PUS3: variants seen among roughly 807,000 people sequenced by gnomAD.
PUS3 encodes the protein pseudouridine synthase 3.
In PUS3, 36 loss-of-function variants were observed where a neutral mutation model predicts 43.3. The ratio of observed to expected loss-of-function variants is 0.83; its 90% CI spans 0.64 to 1.10. PUS3 has a LOEUF of 1.10. PUS3 is among the 50% of genes least tolerant of loss of function. PUS3 has a pLI of 0.00. For missense variants in PUS3, 544 were observed against 589.9 expected (o/e 0.92, Z 0.81); for synonymous variants, 183 against 199.2 (o/e 0.92, Z 0.69).
chr11:125,896,389 A>G lies in PUS3; in HGVS notation c.-46-59T>C, dbSNP rs993148816. On this transcript the variant is annotated intron_variant, in intron 1 of 3. Coordinates refer to ENST00000227474, the MANE Select transcript of PUS3 (RefSeq NM_031307.4). Reference sequence around the variant, plus strand: ...ATGCTAGTTCCTTTGATGATGTTCTAATGGTATATAAGATTTAATTTAATG... The same window carrying G: ...ATGCTAGTTCCTTTGATGATGTTCTGATGGTATATAAGATTTAATTTAATG... 26 of 1,124,758 alleles carry G rather than the reference A, an allele frequency of 2.3e-5. No homozygotes were observed. In the East Asian group the frequency reaches 4.5e-4, roughly 19 times the overall value. The allele number at this position is 1,124,758 out of a possible 1,614,324, so 69.7% of individuals were successfully genotyped here.
chr11:125,893,844 T>C lies in PUS3; in HGVS notation c.1387A>G (p.Asn463Asp). 2.5e-6 allele frequency: 4 copies of C among 1,614,068 alleles called. No homozygotes were observed. The highest frequency in any genetic ancestry group is 3.4e-6 in the Non-Finnish European group (4 of 1,179,964). Reference sequence around the variant, plus strand: ...ACCCTCTTCGTTGGTGTCTCCAAATTAGTATTCTCTTCCTCTAGTGTGTCA... The same window carrying C: ...ACCCTCTTCGTTGGTGTCTCCAAATCAGTATTCTCTTCCTCTAGTGTGTCA... ...CNDTLEEENT[N>D]LETPTKRVCV... Residue 463 changes from asparagine (N) to aspartate (D), a missense_variant, in exon 4 of 4, where the codon AAT (asparagine) becomes GAT (aspartate). Transcript: ENST00000227474.
intron 1 of PUS3, chr11:125,899,796 A>G (rs150443899): frequency 1.8e-5 from 29 of 1,614,234 alleles, no homozygotes; most frequent in Non-Finnish European, 1.9e-5. Flanking sequence ...TTCCAGGAAG[A>G]CAAGGAATCT....
intron 1 of PUS3, chr11:125,899,923 C>G: frequency 6.2e-7 from 1 of 1,614,174 alleles, no homozygotes; most frequent in Non-Finnish European, 8.5e-7. Context: ...ACGAACAAGA[C>G]CTGATTGTTG....
At chr11:125,899,201 T>C in intron 1 of PUS3, 1 of 627,718 alleles carries the variant, frequency 1.6e-6, no homozygotes, top group East Asian at 2.7e-5. Flanking sequence ...CTCTAAACTG[T>C]TCTGATACTA....
chr11:125,894,143 T>TCC lies in PUS3; in HGVS notation c.1087_1088insGG (p.Tyr363TrpfsTer17). ...AGTGTCCAGTCCTTGTAGCATACTA[T>TCC]ACAACATGTGAGTTTTGACAGCATG... On this transcript the variant is annotated frameshift_variant, in exon 4 of 4. Transcript: ENST00000227474. LOFTEE classifies it high-confidence loss of function. 1 of 1,614,182 alleles carries TCC rather than the reference T, an allele frequency of 6.2e-7. No individual in the cohort carries two copies. Among genetic ancestry groups the TCC allele is most frequent in the South Asian group, 1.1e-5 (1 of 91,074 alleles).
In PUS3 at chr11:125,896,049, A is replaced by G; in HGVS notation, c.236T>C (p.Phe79Ser). The G allele has an allele frequency of 6.2e-7, 1 of 1,614,190 alleles. No individual in the cohort carries two copies. The highest frequency in any genetic ancestry group is 8.5e-7 in the Non-Finnish European group (1 of 1,180,030). Residue 79 changes from phenylalanine (F) to serine (S), a missense_variant, in exon 2 of 4, where the codon TTT becomes TCT. Coordinates refer to ENST00000227474, the MANE Select transcript of PUS3 (RefSeq NM_031307.4). ...ATTATTTGTGTTTTCCTGACTAGCA[A>G]AGCCCTGGTATCCCCAGCCCATATA... ...IAYMGWGYQG[F>S]ASQENTNNTI...
chr11:125,903,167 T>C lies in PUS3; in HGVS notation c.-47+3A>G, dbSNP rs534570905. The C allele has an allele frequency of 1.5e-3, 1,482 of 985,408 alleles. 2 individuals are homozygous for C. Among genetic ancestry groups the C allele is most frequent in the Middle Eastern group, 1.6e-3 (3 of 1,914 alleles). The allele number at this position is 985,408 out of a possible 1,614,324, so 61.0% of individuals were successfully genotyped here. A position where few individuals can be genotyped will look rare whatever the true frequency, so the allele number is the denominator to read the frequency against. ...TAACCCACTCCAAAAATCCCACACTTACTTTCCGGCAGCCGGCCGCGCCGC... is the reference window on the plus strand; with the variant it reads ...TAACCCACTCCAAAAATCCCACACTCACTTTCCGGCAGCCGGCCGCGCCGC... On this transcript the variant is annotated splice_donor_region_variant and intron_variant, in intron 1 of 3. Transcript: ENST00000227474.
At position 125,893,962 on chromosome 11, in the gene PUS3, C is replaced by T. The variant is rs778482258; in HGVS notation, c.1269G>A (p.Leu423=). Residue 423 remains leucine, a synonymous_variant, in exon 4 of 4, where the codon CTG becomes CTA. Transcript: ENST00000227474. ...GTACAAAATGCTGGATCCGGGATTC[C>T]AGTCCTTGGCATTTAGGACGGTCCA... ...PLMDRPKCQG[L]ESRIQHFVRR... is the part of the protein sequence containing the mutation. 2.5e-6 allele frequency: 4 copies of T among 1,614,180 alleles called. No individual in the cohort carries two copies. Among genetic ancestry groups the T allele is most frequent in the South Asian group, 2.2e-5 (2 of 91,080 alleles).
At position 125,893,575 on chromosome 11, in the gene PUS3, G is replaced by A. The variant is rs191173560; in HGVS notation, c.*210C>T. 6.2e-4 allele frequency: 280 copies of A among 448,086 alleles called. 1 individual carries two copies. The highest frequency in any genetic ancestry group is 1.2e-3 in the Middle Eastern group (2 of 1,692). The allele number at this position is 448,086 out of a possible 1,614,324, so 27.8% of individuals were successfully genotyped here. On this transcript the variant is annotated 3_prime_UTR_variant, in exon 4 of 4. Transcript: ENST00000227474. ...CATCTCCATTTTACGTTCTTTAATC[G>A]CTTAATCCTTTTGGACCGGGATAAG...
rs771873988 is a variant in PUS3, at chr11:125,895,927, C to G, written c.358G>C (p.Gly120Arg). Residue 120 changes from glycine (G) to arginine (R), a missense_variant, in exon 2 of 4, where the codon GGA becomes CGA. Gly to Arg is a moderately radical substitution (Grantham distance 125). Coordinates refer to ENST00000227474, the MANE Select transcript of PUS3 (RefSeq NM_031307.4). ...NYHRCGRTDKGVSAFGQVISL... is the reference protein window; with the variant it reads ...NYHRCGRTDKRVSAFGQVISL... ...CTTACCTGTCCAAAGGCACTAACTC[C>G]TTTATCTGTTCTCCCACATCGGTGA... 1 of 1,613,268 alleles carries G rather than the reference C, an allele frequency of 6.2e-7. No individual in the cohort carries two copies. Among genetic ancestry groups the G allele is most frequent in the Admixed American group, 1.7e-5 (1 of 60,008 alleles).
At position 125,900,219 on chromosome 11, in the gene PUS3, C is replaced by T. The variant is rs751141495; in HGVS notation, c.-47+2951G>A. On this transcript the variant is annotated intron_variant, in intron 1 of 3. Coordinates refer to ENST00000227474, the MANE Select transcript of PUS3 (RefSeq NM_031307.4). ...CGTTGGGGTGTTCGTTGTGACCTTG[C>T]AAATGGTGTCATACCCAGGAAGCTT... 1.9e-6 allele frequency: 3 copies of T among 1,614,156 alleles called. No homozygotes were observed. In the Admixed American group the frequency reaches 5.0e-5, roughly 27 times the overall value.
chr11:125,893,735 C>CTTTTT lies in PUS3; in HGVS notation c.*49_*50insAAAAA. Reference sequence around the variant, plus strand: ...AGTAAATTTTTTTTTTTTTCCTTTTCTGTCCACCTACCATTAGGTGGTTCC... The same window carrying CTTTTT: ...AGTAAATTTTTTTTTTTTTCCTTTTCTTTTTTGTCCACCTACCATTAGGTGGTTCC... On this transcript the variant is annotated 3_prime_UTR_variant, in exon 4 of 4. Coordinates refer to ENST00000227474, the MANE Select transcript of PUS3 (RefSeq NM_031307.4). The CTTTTT allele has an allele frequency of 9.0e-7, 1 of 1,105,622 alleles. No individual in the cohort carries two copies. The highest frequency in any genetic ancestry group is 1.2e-6 in the Non-Finnish European group (1 of 869,312). The allele number at this position is 1,105,622 out of a possible 1,614,324, so 68.5% of individuals were successfully genotyped here.
At chr11:125,898,527 T>C (rs1944660477) in intron 1 of PUS3, among the ~76,000 whole-genome samples, 2 of 152,018 alleles carry the variant, frequency 1.3e-5, no homozygotes, top group African/African-American at 2.4e-5. Context: ...ATTCAAAAAT[T>C]AGCCAGGCGT....
In PUS3 at chr11:125,900,003, G is replaced by C. The variant is rs775451336; in HGVS notation, c.-47+3167C>G. The C allele has an allele frequency of 3.1e-6, 5 of 1,614,070 alleles. No individual in the cohort carries two copies. In the Admixed American group the frequency reaches 8.3e-5, roughly 27 times the overall value. Reference sequence around the variant, plus strand: ...AGCCGAAACCGGGGCAAGACAGACCGGGTAGCCCGGTATTTTGAGTACAAA... The same window carrying C: ...AGCCGAAACCGGGGCAAGACAGACCCGGTAGCCCGGTATTTTGAGTACAAA... On this transcript the variant is annotated intron_variant, in intron 1 of 3. Coordinates refer to ENST00000227474, the MANE Select transcript of PUS3 (RefSeq NM_031307.4).
rs200257926 is a variant in PUS3 at position 125,899,422 on chromosome 11, A to G, written c.-46-3092T>C. The G allele has an allele frequency of 3.7e-6, 6 of 1,614,234 alleles. No individual in the cohort carries two copies. The East Asian group carries it at 1.3e-4, about 36-fold the overall frequency. On this transcript the variant is annotated intron_variant, in intron 1 of 3. Transcript: ENST00000227474. ...TATGGGCTAATATGGATCCAGAAGA[A>G]CGAATGTTGGCAGCTGCTACAGCTT...
At chr11:125,901,239 T>G (rs1356671772) in intron 1 of PUS3, among the ~76,000 whole-genome samples, 1 of 152,238 alleles carries the variant, frequency 6.6e-6, no homozygotes, top group Non-Finnish European at 1.5e-5. Flanking sequence ...AGCTGTTATT[T>G]CTGGAATACC....
intron 1 of PUS3, among the ~76,000 whole-genome samples, chr11:125,901,635 A>G (rs1944776075): frequency 2.6e-5 from 4 of 152,246 alleles, no homozygotes; most frequent in African/African-American, 9.6e-5. Context: ...CATAATTCAC[A>G]CATTCACCCA....
At chr11:125,901,693 A>G (rs527764627) in intron 1 of PUS3, among the ~76,000 whole-genome samples, 3 of 152,364 alleles carry the variant, frequency 2.0e-5, no homozygotes, top group African/African-American at 7.2e-5. Context: ...TCAATGACTC[A>G]GGTACATGTA....
intron 1 of PUS3, among the ~76,000 whole-genome samples, chr11:125,902,414 G>A (rs1048621771): frequency 2.0e-5 from 3 of 151,934 alleles, no homozygotes; most frequent in African/African-American, 7.3e-5. Context: ...AGGAGTTCGA[G>A]ACCAACCTGG....
Sources: gnomAD v4.1 joint callset for allele counts (sites outside exome capture counted in the v4.1 genomes callset) on GRCh38, gnomAD v4.1.1 for gene constraint, MANE v1.5 for transcripts, NCBI Gene and HGNC (gene_info 2026-07-23, HGNC 2026-07-21) for gene names.